Variants in GATA4 observed in about 807,000 individuals in gnomAD.
GATA4 encodes the protein transcription factor GATA-4.
In GATA4, 7 loss-of-function variants were observed where a neutral mutation model predicts 37.9. The ratio of observed to expected loss-of-function variants is 0.18; its 90% confidence interval spans 0.11 to 0.35. The LOEUF (loss-of-function observed/expected upper bound fraction) is 0.35. GATA4 is among the 10% of genes least tolerant of loss of function. The pLI is 1.00. For synonymous variants in GATA4, 372 were observed against 292.6 expected, an observed-to-expected ratio of 1.27 and a Z score of -2.77; for missense variants, 647 against 653.0, an observed-to-expected ratio of 0.99 and a Z score of 0.10.
chr8:11,680,998 C>T (rs1372826534), intron 1 of GATA4: 2 of 947,962 alleles, frequency 2.1e-6, no homozygotes, highest in Non-Finnish European at 2.5e-6. Flanking sequence ...CAGAGAGACC[C>T]CGCACCCCCG....
chr8:11,722,848 T>G (rs1201023014), intron 2 of GATA4, among the ~76,000 whole-genome samples: 1 of 152,236 alleles, frequency 6.6e-6, no homozygotes, highest in Non-Finnish European at 1.5e-5. Context: ...CTTCTTCATT[T>G]GTTAGCTGGA....
At chr8:11,717,255 T>G (rs1411142130) in intron 2 of GATA4, among the ~76,000 whole-genome samples, 6 of 152,246 alleles carry the variant, frequency 3.9e-5, no homozygotes, top group African/African-American at 1.4e-4. Flanking sequence ...GAATCTGTTT[T>G]AATTTATACA....
chr8:11,715,699 C>T (rs1450317396), intron 2 of GATA4, among the ~76,000 whole-genome samples: 1 of 152,078 alleles, frequency 6.6e-6, no homozygotes, highest in African/African-American at 2.4e-5. Context: ...CGAGATCACA[C>T]CACTGCATTC....
chr8:11,709,047 C>G lies in GATA4; in HGVS notation c.616+119C>G. On this transcript the variant is annotated intron_variant, in intron 2 of 6. Coordinates refer to ENST00000532059, the MANE Select transcript of GATA4 (RefSeq NM_001308093.3). The surrounding 1 kb of genome is among the most constrained non-coding windows in gnomAD (Gnocchi z 4.3). ...TCGTTGGGCTGGGGATGGTGCTTCACTACCTCGAGTTTCTAGGGAAGGCAG... is the reference window on the plus strand; with the variant it reads ...TCGTTGGGCTGGGGATGGTGCTTCAGTACCTCGAGTTTCTAGGGAAGGCAG... 9.6e-7 allele frequency: 1 copy of G among 1,046,648 alleles called. No individual in the cohort carries two copies. Among genetic ancestry groups the G allele is most frequent in the Non-Finnish European group, 1.3e-6 (1 of 773,004 alleles). The allele number at this position is 1,046,648 out of a possible 1,614,324, so 64.8% of individuals were successfully genotyped here.
chr8:11,691,889 G>A (rs75636393), upstream of GATA4: 9,522 of 302,644 alleles, frequency 0.031, 194 homozygotes, highest in East Asian at 0.1. Context: ...CCCAGTCCAG[G>A]GCTAGCTCTC....
intron 1 of GATA4, among the ~76,000 whole-genome samples, chr8:11,677,791 T>C (rs1030645944): frequency 2.0e-5 from 3 of 152,006 alleles, no homozygotes; most frequent in African/African-American, 2.4e-5. Flanking sequence ...GAGCCAGACC[T>C]GAGATGGGAA....
At chr8:11,693,498 A>AG (rs1563190295) in intron 1 of GATA4, among the ~76,000 whole-genome samples, 15 of 143,718 alleles carry the variant, frequency 1.0e-4, no homozygotes, top group East Asian at 6.6e-4. Flanking sequence ...GAGAGAGAGA[A>AG]AAAAAGAGGA....
chr8:11,745,831 A>G (rs66535756), intron 2 of GATA4, among the ~76,000 whole-genome samples: 17,432 of 152,228 alleles, frequency 0.11, 1,139 homozygotes, highest in Non-Finnish European at 0.13. Context: ...AAATAATAGA[A>G]GTCTGGGATT....
At chr8:11,726,724 G>T (rs1442491410) in intron 2 of GATA4, among the ~76,000 whole-genome samples, 1 of 152,156 alleles carries the variant, frequency 6.6e-6, no homozygotes, top group Non-Finnish European at 1.5e-5. Context: ...AGATGAGGAA[G>T]TGGATAGGCG....
intron 1 of GATA4, among the ~76,000 whole-genome samples, chr8:11,695,706 C>A (rs995387149): frequency 1.3e-5 from 2 of 152,186 alleles, no homozygotes; most frequent in African/African-American, 4.8e-5. Context: ...AATCCCTGAG[C>A]TTCTGCTGTT....
At chr8:11,682,298 G>T (rs1332067894) in intron 1 of GATA4, among the ~76,000 whole-genome samples, 3 of 152,182 alleles carry the variant, frequency 2.0e-5, no homozygotes, top group African/African-American at 7.2e-5. Flanking sequence ...ACAGGAAACT[G>T]ATATGGTAGA....
chr8:11,693,578 G>C (rs916151339), intron 1 of GATA4, among the ~76,000 whole-genome samples: 1 of 151,362 alleles, frequency 6.6e-6, no homozygotes, highest in Non-Finnish European at 1.5e-5. Flanking sequence ...GAGAGAGAGA[G>C]AGAGAGAGAG....
Position 11,707,006 on chromosome 8 carries a change from T to C in GATA4, c.-457-850T>C, listed in dbSNP as rs1799916438. 6.6e-6 allele frequency among the ~76,000 whole-genome samples: 1 copy of C among 152,194 alleles called. No individual in the cohort carries two copies. Among genetic ancestry groups the C allele is most frequent in the Non-Finnish European group, 1.5e-5 (1 of 68,032 alleles). ...ATAATCAAGTTCCACAAACTGCTCT[T>C]TCCCCAAGCACCCACCTTGGTGTTA... On this transcript the variant is annotated intron_variant, in intron 1 of 6. Coordinates refer to ENST00000532059, the MANE Select transcript of GATA4 (RefSeq NM_001308093.3). The surrounding 1 kb of genome is among the most constrained non-coding windows in gnomAD (Gnocchi z 4.7).
At chr8:11,723,657 T>C (rs1800778518) in intron 2 of GATA4, among the ~76,000 whole-genome samples, 1 of 152,162 alleles carries the variant, frequency 6.6e-6, no homozygotes, top group South Asian at 2.1e-4. Flanking sequence ...TGCTATTGGG[T>C]TAGTCATTCA....
upstream of GATA4, chr8:11,692,488 C>G (rs1390406006): frequency 4.1e-5 from 40 of 984,124 alleles, no homozygotes; most frequent in Middle Eastern, 5.2e-4. Context: ...GAATTTTCTC[C>G]TCCCGTGCAC....
rs1802800976 is a variant in GATA4 at position 11,759,746 on chromosome 8, C to G, written c.*1271C>G. ...CTGGAGCTCAAGGAGACTCCTTCCT[C>G]TTTCTCAGCAGAGCTGTAGCTGACT... On this transcript the variant is annotated 3_prime_UTR_variant, in exon 7 of 7. Coordinates refer to ENST00000532059, the MANE Select transcript of GATA4 (RefSeq NM_001308093.3). The G allele has an allele frequency of 6.6e-6, 1 of 152,340 alleles. No homozygotes were observed. Among genetic ancestry groups the G allele is most frequent in the Non-Finnish European group, 1.5e-5 (1 of 68,104 alleles). 9.4% of individuals were successfully genotyped at this position (152,340 alleles called of 1,614,324 possible). A position where few individuals can be genotyped will look rare whatever the true frequency, so the allele number is the denominator to read the frequency against.
chr8:11,678,726 G>C (rs1290774728), intron 1 of GATA4, among the ~76,000 whole-genome samples: 2 of 152,054 alleles, frequency 1.3e-5, no homozygotes. Context: ...TTGATAAATC[G>C]GTCTACAGTA....
At chr8:11,734,176 C>A (rs886528180) in intron 2 of GATA4, among the ~76,000 whole-genome samples, 5 of 152,172 alleles carry the variant, frequency 3.3e-5, no homozygotes, top group African/African-American at 1.2e-4. Flanking sequence ...ATCCTAGATA[C>A]ACTTTTCTCA....
rs3757949 is a variant in GATA4 at position 11,757,489 on chromosome 8, G to C, written c.1149+406G>C. Among the ~76,000 whole-genome samples the C allele has an allele frequency of 0.31, 47,737 of 152,172 alleles. 8,085 individuals carry two copies. The highest frequency in any genetic ancestry group is 0.49 in the East Asian group (2,516 of 5,164). On this transcript the variant is annotated intron_variant, in intron 6 of 6. Transcript: ENST00000532059. The stretch of plus-strand genomic sequence containing the variant: ...TGCTGGGGCGAGGGGAGGCGTGGTT[G>C]CGCTGTCGGAGGCCGAGCGGAGGTT...
Sources: allele counts gnomAD v4.1 joint callset (sites outside exome capture counted in the v4.1 genomes callset), GRCh38; gene constraint gnomAD v4.1.1; non-coding constraint Gnocchi (gnomAD v3.1); transcripts MANE v1.5; gene names NCBI Gene and HGNC (gene_info 2026-07-23, HGNC 2026-07-21).